The following RDX variants were observed in gnomAD, a reference collection of about 807,000 sequenced individuals.
The protein encoded by RDX is radixin, also known as deafness, autosomal recessive 24.
Under a neutral mutation model 83.7 loss-of-function variants are expected in RDX, and 32 were observed. The ratio of observed to expected loss-of-function variants is 0.38; its 90% CI spans 0.29 to 0.51. RDX has a LOEUF of 0.51. RDX is among the 20% of genes least tolerant of loss of function. The pLI is 0.87. For synonymous variants in RDX, 229 were observed against 222.7 expected (o/e 1.03, Z -0.25); for missense variants, 600 against 689.9 (o/e 0.87, Z 1.46).
chr11:110,255,231 A>G, intron 8 of RDX, 58 bp downstream of exon 8: 4 of 897,848 alleles, frequency 4.5e-6, no homozygotes, highest in Non-Finnish European at 7.3e-6. Flanking sequence ...AAGTGATATC[A>G]TGGGAAACTA....
intron 14 of RDX, among the ~76,000 whole-genome samples, chr11:110,204,790 C>T (rs1006358331): frequency 1.3e-5 from 2 of 152,180 alleles, no homozygotes; most frequent in African/African-American, 2.4e-5. Flanking sequence ...GCTGGGATTA[C>T]AGGCGTGAGC....
chr11:110,189,293 A>G (rs1863059713), intron 15 of RDX, among the ~76,000 whole-genome samples: 2 of 149,198 alleles, frequency 1.3e-5, no homozygotes, highest in Non-Finnish European at 3.0e-5. Context: ...ATAATGACAA[A>G]GGGATCAATT....
chr11:110,178,213 A>C (rs1862814957), intron 15 of RDX, among the ~76,000 whole-genome samples: 1 of 152,170 alleles, frequency 6.6e-6, no homozygotes, highest in South Asian at 2.1e-4. Flanking sequence ...CTCCACCTGC[A>C]GCTCTCCTGG....
At chr11:110,217,157 T>C (rs577877390) in intron 14 of RDX, among the ~76,000 whole-genome samples, 1 of 152,252 alleles carries the variant, frequency 6.6e-6, no homozygotes, top group African/African-American at 2.4e-5. Context: ...TACATGCCAC[T>C]TCCTCAGAGA....
At chr11:110,295,777 C>G (rs1280654442) in intron 1 of RDX, among the ~76,000 whole-genome samples, 1 of 152,194 alleles carries the variant, frequency 6.6e-6, no homozygotes, top group Non-Finnish European at 1.5e-5. Flanking sequence ...TAAAACTGAG[C>G]GGCCTCAAGG....
At chr11:110,278,473 A>T (rs1430029075) in intron 2 of RDX, among the ~76,000 whole-genome samples, 2 of 151,880 alleles carry the variant, frequency 1.3e-5, no homozygotes, top group African/African-American at 4.8e-5. Context: ...CAGTGTAGAG[A>T]TCTTGCACAG....
intron 15 of RDX, among the ~76,000 whole-genome samples, chr11:110,193,366 G>C (rs1206265051): frequency 6.6e-6 from 1 of 152,142 alleles, no homozygotes; most frequent in Non-Finnish European, 1.5e-5. Context: ...GGGACCACTA[G>C]AGACGGGAGA....
intron 1 of RDX, among the ~76,000 whole-genome samples, chr11:110,293,178 T>C (rs1861311788): frequency 6.6e-6 from 1 of 152,180 alleles, no homozygotes. Flanking sequence ...GACTTTAAAA[T>C]CACAAATAAG....
intron 14 of RDX, among the ~76,000 whole-genome samples, chr11:110,208,898 T>G (rs188006528): frequency 6.6e-6 from 1 of 152,110 alleles, no homozygotes; most frequent in African/African-American, 2.4e-5. Flanking sequence ...AGAGGTTGCA[T>G]TGAGCAGAGA....
chr11:110,255,180 G>C (rs1429721992), intron 8 of RDX, 109 bp downstream of exon 8: 1 of 658,776 alleles, frequency 1.5e-6, no homozygotes, highest in Non-Finnish European at 2.7e-6. Flanking sequence ...AAAGAGAATG[G>C]TCCTCAGAAG....
chr11:110,196,581 T>C lies in RDX; in HGVS notation c.*31+3000A>G, dbSNP rs567605333. 5.3e-5 allele frequency among the ~76,000 whole-genome samples: 8 copies of C among 152,316 alleles called. No homozygotes were observed. The East Asian group carries it at 1.5e-3, about 29-fold the overall frequency. ...TAGTGACGTGAATCCCAAGAGAAAT[T>C]GTTGAGCAGCCACAGGGCGTGTGTG... On this transcript the variant is annotated intron_variant, in intron 15 of 15. Transcript: ENST00000528498.
chr11:110,282,749 C>T (rs571839354), intron 1 of RDX, among the ~76,000 whole-genome samples: 3 of 152,290 alleles, frequency 2.0e-5, no homozygotes, highest in South Asian at 4.1e-4. Flanking sequence ...GAGGCCAACG[C>T]AGGAGGATCA....
In RDX at chr11:110,277,954, A is replaced by G. The variant is rs529249228; in HGVS notation, c.12+1727T>C. 3.5e-4 allele frequency among the ~76,000 whole-genome samples: 54 copies of G among 152,276 alleles called. 1 individual carries two copies. The highest frequency in any genetic ancestry group is 3.1e-3 in the Admixed American group (47 of 15,292). Reference sequence around the variant, plus strand: ...GCTTTTGCATGTAGGTCTATAATCCATTGAGTTTATGTTTGTAAATTGTGA... The same window carrying G: ...GCTTTTGCATGTAGGTCTATAATCCGTTGAGTTTATGTTTGTAAATTGTGA... On this transcript the variant is annotated intron_variant, in intron 2 of 13. Transcript: ENST00000645495.
At chr11:110,226,063 T>C (rs1271959976), downstream of RDX, among the ~76,000 whole-genome samples, 1 of 80,260 alleles carries the variant, frequency 1.2e-5, no homozygotes, top group African/African-American at 4.8e-5. Flanking sequence ...CAAAACTCCA[T>C]CTCAAAAAAA....
At position 110,180,350 on chromosome 11, in the gene RDX, C is replaced by T. The variant is rs549113490; in HGVS notation, c.*32-5116G>A. ...CAACCCCCATATGGCCAAGGTTTTC[C>T]TCATTAGCTCCAGCTTTGGGCTGGG... On this transcript the variant is annotated intron_variant, in intron 15 of 15. Transcript: ENST00000528498. Among the ~76,000 whole-genome samples the T allele has an allele frequency of 2.6e-5, 4 of 152,214 alleles. No homozygotes were observed. In the East Asian group the frequency reaches 7.7e-4, roughly 29 times the overall value.
At chr11:110,240,265 G>A (rs1195522918) in intron 10 of RDX, among the ~76,000 whole-genome samples, 1 of 152,166 alleles carries the variant, frequency 6.6e-6, no homozygotes. Context: ...AAGCCATCAC[G>A]TTAAGTGAAA....
At chr11:110,181,452 G>A (rs1258469327) in intron 15 of RDX, among the ~76,000 whole-genome samples, 9 of 152,118 alleles carry the variant, frequency 5.9e-5, no homozygotes, top group South Asian at 4.2e-4. Context: ...GTGAGCCACC[G>A]CGCCTGGCCA....
Position 110,264,818 on chromosome 11 carries a change from G to T in RDX, c.153C>A (p.Asp51Glu). The change falls in exon 4 of 14, where the codon GAC becomes GAA. Residue 51 changes from aspartate to glutamate, a missense_variant. Physicochemically the swap from Asp to Glu is conservative, Grantham distance 45 (BLOSUM62 2). Coordinates refer to ENST00000645495, the MANE Select transcript of RDX (RefSeq NM_002906.4). ...EVWFFGLQYV[D>E]SKGYSTWLKL... The stretch of plus-strand genomic sequence containing the variant: ...TAAGCCATGTAGAATAACCTTTGCT[G>T]TCTACATACTGCAGCCCAAAAAACC... 6.2e-7 allele frequency: 1 copy of T among 1,613,608 alleles called. No homozygotes were observed. The highest frequency in any genetic ancestry group is 8.5e-7 in the Non-Finnish European group (1 of 1,179,792).
At chr11:110,288,130 G>C (rs1220470323) in intron 1 of RDX, among the ~76,000 whole-genome samples, 1 of 152,156 alleles carries the variant, frequency 6.6e-6, no homozygotes, top group Non-Finnish European at 1.5e-5. Context: ...TGCTCATGTA[G>C]AAATGATTTC....
Sources: allele counts gnomAD v4.1 joint callset (sites outside exome capture counted in the v4.1 genomes callset), GRCh38; gene constraint gnomAD v4.1.1; transcripts MANE v1.5; gene names NCBI Gene and HGNC (gene_info 2026-07-23, HGNC 2026-07-21).